The following PKHD1 variants were observed in gnomAD, a reference collection of about 807,000 sequenced individuals.
The protein encoded by PKHD1 is PKHD1 ciliary IPT domain containing fibrocystin/polyductin.
A neutral mutation model predicts 412.0 loss-of-function variants in PKHD1; 291 were observed. That is an observed-to-expected ratio of 0.71 (90% CI 0.64 to 0.78). The LOEUF is 0.78. Among genes scored for constraint, PKHD1 ranks in the 30% least tolerant of loss-of-function variants. The pLI is 0.00. For missense variants in PKHD1, 4,825 were observed against 4,950.7 expected (o/e 0.97, Z 0.76); for synonymous variants, 1,777 against 1,821.5 (o/e 0.98, Z 0.62).
intron 60 of PKHD1, among the ~76,000 whole-genome samples, chr6:51,710,187 G>C (rs1780495447): frequency 6.6e-6 from 1 of 152,072 alleles, no homozygotes; most frequent in Admixed American, 6.6e-5. Context: ...TCCAGCCTGA[G>C]CGACAGAGCA....
chr6:51,929,827 A>G (rs553568701), intron 37 of PKHD1, among the ~76,000 whole-genome samples: 18 of 152,274 alleles, frequency 1.2e-4, no homozygotes, highest in African/African-American at 3.1e-4. Flanking sequence ...GCTTTTTCTC[A>G]GGAATTTCCA....
intron 60 of PKHD1, among the ~76,000 whole-genome samples, chr6:51,734,457 A>T (rs1783594661): frequency 6.6e-6 from 1 of 152,230 alleles, no homozygotes; most frequent in African/African-American, 2.4e-5. Flanking sequence ...TTCAGCAAAC[A>T]TTAACAAAGC....
chr6:51,853,626 C>T (rs1192881022), intron 49 of PKHD1, among the ~76,000 whole-genome samples: 2 of 152,132 alleles, frequency 1.3e-5, no homozygotes, highest in Non-Finnish European at 2.9e-5. Flanking sequence ...CATTCCTTTA[C>T]ATTCTTTTTT....
chr6:51,760,939 T>A (rs1199842069), intron 55 of PKHD1, among the ~76,000 whole-genome samples: 1 of 151,954 alleles, frequency 6.6e-6, no homozygotes, highest in African/African-American at 2.4e-5. Flanking sequence ...ATAACAAAGG[T>A]TAGTGAGGAT....
chr6:51,753,988 C>T (rs986376894), intron 56 of PKHD1, among the ~76,000 whole-genome samples: 3 of 152,070 alleles, frequency 2.0e-5, no homozygotes, highest in Non-Finnish European at 2.9e-5. Context: ...TTCTTTGCCA[C>T]TTACTAAAAA....
chr6:51,655,289 G>A (rs1267521658), intron 61 of PKHD1, among the ~76,000 whole-genome samples: 1 of 152,068 alleles, frequency 6.6e-6, no homozygotes, highest in East Asian at 1.9e-4. Flanking sequence ...TAGAAAGCAG[G>A]TGCCCAGGAT....
rs1052524827 is a variant in PKHD1 at position 51,707,206 on chromosome 6, T to G, written c.10156+37179A>C. 4.6e-5 allele frequency among the ~76,000 whole-genome samples: 7 copies of G among 152,174 alleles called. No homozygotes were observed. The East Asian group carries it at 7.7e-4, about 17-fold the overall frequency. On this transcript the variant is annotated intron_variant, in intron 60 of 66. Coordinates refer to ENST00000371117, the MANE Select transcript of PKHD1 (RefSeq NM_138694.4). ...AATGTGACACTGTCCCAAGAAAGAATGTTGAACTAAAAATGGTATCTGAAA... is the reference window on the plus strand; with the variant it reads ...AATGTGACACTGTCCCAAGAAAGAAGGTTGAACTAAAAATGGTATCTGAAA...
chr6:51,904,728 C>T (rs1781815821), intron 41 of PKHD1, among the ~76,000 whole-genome samples: 2 of 152,190 alleles, frequency 1.3e-5, no homozygotes, highest in Non-Finnish European at 2.9e-5. Context: ...CATTCAAGCA[C>T]TAAAGGCTAA....
chr6:51,765,503 C>T (rs1788838050), intron 55 of PKHD1, among the ~76,000 whole-genome samples: 1 of 152,048 alleles, frequency 6.6e-6, no homozygotes, highest in South Asian at 2.1e-4. Context: ...CTTCCTGTTT[C>T]CCCCCTACCC....
chr6:51,757,106 G>A (rs1056233991), intron 55 of PKHD1, among the ~76,000 whole-genome samples: 1 of 152,176 alleles, frequency 6.6e-6, no homozygotes, highest in Non-Finnish European at 1.5e-5. Flanking sequence ...TGTGCGTCCT[G>A]GTTCCCGATA....
intron 27 of PKHD1, among the ~76,000 whole-genome samples, chr6:52,036,614 G>T (rs1323077663): frequency 6.6e-6 from 1 of 152,180 alleles, no homozygotes; most frequent in Admixed American, 6.5e-5. Flanking sequence ...TACAAAATCT[G>T]ATGAAAACCT....
intron 61 of PKHD1, among the ~76,000 whole-genome samples, chr6:51,651,462 A>G (rs1434252852): frequency 6.6e-6 from 1 of 152,142 alleles, no homozygotes; most frequent in Non-Finnish European, 1.5e-5. Flanking sequence ...AAGGGGGTGA[A>G]AGGTCATCAA....
Position 51,856,005 on chromosome 6 carries a change from A to C in PKHD1, c.7799T>G (p.Val2600Gly). ...MTDSRNKTTT[V>G]NYVRDTLSNP... is the part of the protein sequence containing the mutation. Reference sequence around the variant, plus strand: ...AGACAATGTATCACGTACATAATTGACAGTGGTTGTTTTATTTCTGCTGTC... The same window carrying C: ...AGACAATGTATCACGTACATAATTGCCAGTGGTTGTTTTATTTCTGCTGTC... Residue 2600 changes from valine to glycine, a missense_variant, in exon 49 of 67, where the codon GTC (valine) becomes GGC (glycine). Val to Gly is a moderately radical substitution (Grantham distance 109). Coordinates refer to ENST00000371117, the MANE Select transcript of PKHD1 (RefSeq NM_138694.4). The C allele has an allele frequency of 1.2e-6, 2 of 1,608,840 alleles. No homozygotes were observed. The highest frequency in any genetic ancestry group is 1.7e-6 in the Non-Finnish European group (2 of 1,175,262).
chr6:51,739,697 C>T (rs1038123157), intron 60 of PKHD1, among the ~76,000 whole-genome samples: 3 of 152,146 alleles, frequency 2.0e-5, no homozygotes, highest in Non-Finnish European at 2.9e-5. Flanking sequence ...GCAAAATACA[C>T]TTGCCAAATG....
At chr6:51,733,179 G>C (rs895764844) in intron 60 of PKHD1, among the ~76,000 whole-genome samples, 1 of 152,134 alleles carries the variant, frequency 6.6e-6, no homozygotes, top group Non-Finnish European at 1.5e-5. Flanking sequence ...GACTTATGGA[G>C]AAGTATGGTA....
rs766124480 is a variant in PKHD1 at position 52,017,565 on chromosome 6, G to T, written c.5445C>A (p.Thr1815=). ...EEDSCEAARH[T]YVQCDLTVAM... ...CAACTGTCAAATCACACTGCACATA[G>T]GTGTGTCTGGCAGCCTCACAGCTGT... Residue 1815 remains threonine, a synonymous_variant, in exon 34 of 67, where the codon ACC becomes ACA. Coordinates refer to ENST00000371117, the MANE Select transcript of PKHD1 (RefSeq NM_138694.4). 1 of 1,613,882 alleles carries T rather than the reference G, an allele frequency of 6.2e-7. No homozygotes were observed. The highest frequency in any genetic ancestry group is 8.5e-7 in the Non-Finnish European group (1 of 1,179,914).
chr6:52,017,188 G>A (rs1800667277), intron 34 of PKHD1, among the ~76,000 whole-genome samples: 1 of 152,180 alleles, frequency 6.6e-6, no homozygotes, highest in Non-Finnish European at 1.5e-5. Context: ...GCTGTTTACT[G>A]GGCAGATTTT....
At chr6:51,717,201 C>G (rs976815873) in intron 60 of PKHD1, among the ~76,000 whole-genome samples, 5 of 152,174 alleles carry the variant, frequency 3.3e-5, no homozygotes, top group African/African-American at 1.2e-4. Flanking sequence ...CACTTGAGGT[C>G]AAGAGTTCGA....
At chr6:51,644,791 TG>T (rs1562012310) in intron 63 of PKHD1, among the ~76,000 whole-genome samples, 1 of 152,200 alleles carries the variant, frequency 6.6e-6, no homozygotes, top group Non-Finnish European at 1.5e-5. Flanking sequence ...GCAATTCTCC[TG>T]CCTCAGCCTC....
Sources: gnomAD v4.1 joint callset for allele counts (sites outside exome capture counted in the v4.1 genomes callset) on GRCh38, gnomAD v4.1.1 for gene constraint, MANE v1.5 for transcripts, NCBI Gene and HGNC (gene_info 2026-07-23, HGNC 2026-07-21) for gene names.